The following MYLIP variants were observed in gnomAD, a reference collection of about 807,000 sequenced individuals.
MYLIP encodes myosin regulatory light chain interacting protein, also known as E3 ubiquitin-protein ligase MYLIP.
A neutral mutation model predicts 45.8 loss-of-function variants in MYLIP; 26 were observed. The observed-to-expected ratio is 0.57, with a 90% confidence interval of 0.42 to 0.79. MYLIP has a LOEUF of 0.79. Among genes scored for constraint, MYLIP ranks in the 30% least tolerant of loss-of-function variants. The pLI, the probability that MYLIP is intolerant of heterozygous loss-of-function variation, is 0.00. For synonymous variants in MYLIP, 213 were observed against 218.1 expected (o/e 0.98, Z 0.21); for missense variants, 494 against 555.6 (o/e 0.89, Z 1.11).
intron 2 of MYLIP, among the ~76,000 whole-genome samples, chr6:16,136,545 C>CT (rs1032055218): frequency 1.3e-5 from 2 of 151,958 alleles, no homozygotes; most frequent in African/African-American, 2.4e-5. Flanking sequence ...TAGTATGTAC[C>CT]TTTTTTTTGT....
intron 2 of MYLIP, 154 bp from the exon 3 acceptor site, chr6:16,141,471 C>A: frequency 1.5e-6 from 1 of 661,866 alleles, no homozygotes; most frequent in Non-Finnish European, 2.4e-6. Context: ...TGCCTTAATA[C>A]TGATGATTTT....
At chr6:16,151,887 C>G (rs57135803), downstream of MYLIP, among the ~76,000 whole-genome samples, 1 of 152,138 alleles carries the variant, frequency 6.6e-6, no homozygotes, top group African/African-American at 2.4e-5. Flanking sequence ...GCTCTTTTTT[C>G]TATCAAGGAG....
rs927349053 is a variant in MYLIP, at chr6:16,145,317, G to A, written c.1248G>A (p.Gln416=). 8.2e-6 allele frequency: 13 copies of A among 1,576,072 alleles called. No individual in the cohort carries two copies. The highest frequency in any genetic ancestry group is 1.1e-5 in the Non-Finnish European group (13 of 1,156,846). Residue 416 remains glutamine (Q), a splice_region_variant and synonymous_variant, in exon 6 of 7, where the codon CAG becomes CAA. Coordinates refer to ENST00000356840, the MANE Select transcript of MYLIP (RefSeq NM_013262.4). ...VCCESCAAQL[Q]SCPVCRSRVE... ...GTGAGAGCTGCGCCGCCCAGCTACA[G>A]GTAGGGGAGTCAGCTGCCCACTTTT...
At chr6:16,152,139 G>A (rs1282533675), downstream of MYLIP, among the ~76,000 whole-genome samples, 1 of 152,186 alleles carries the variant, frequency 6.6e-6, no homozygotes, top group East Asian at 1.9e-4. Flanking sequence ...CAGACGAGGA[G>A]CAAAGGGTAC....
chr6:16,138,560 A>G (rs921646881), intron 2 of MYLIP, among the ~76,000 whole-genome samples: 1 of 152,134 alleles, frequency 6.6e-6, no homozygotes, highest in Admixed American at 6.5e-5. Flanking sequence ...GAGAGCATAA[A>G]CTTGTCACCC....
intron 2 of MYLIP, among the ~76,000 whole-genome samples, chr6:16,132,403 C>T (rs1234756957): frequency 1.3e-5 from 2 of 152,078 alleles, no homozygotes; most frequent in East Asian, 1.9e-4. Context: ...TTGGTCTCTC[C>T]TTTATTGATT....
chr6:16,144,837 C>T, intron 5 of MYLIP, 60 bp from the exon 6 acceptor site: 8 of 1,524,180 alleles, frequency 5.2e-6, no homozygotes, highest in African/African-American at 1.4e-5. Context: ...TTGACAACAG[C>T]GAATAAGGGT....
intron 2 of MYLIP, among the ~76,000 whole-genome samples, chr6:16,141,058 C>T (rs192952732): frequency 7.1e-4 from 108 of 152,160 alleles, no homozygotes; most frequent in Admixed American, 2.6e-3. Context: ...GGTCTCCATT[C>T]GGAGAAAAAG....
Position 16,129,531 on chromosome 6 carries a change from G to T in MYLIP, c.87+122G>T, listed in dbSNP as rs182207557. On this transcript the variant is annotated intron_variant, in intron 1 of 6. Coordinates refer to ENST00000356840, the MANE Select transcript of MYLIP (RefSeq NM_013262.4). This position sits in a 1 kb window ranked among gnomAD's most constrained non-coding sequence, Gnocchi z 5.1. ...CCGGGAGGCACTGCGGCGGCAGCCGGGGGGAGCGCGTCCCCTCCTCTCCAC... is the reference window on the plus strand; with the variant it reads ...CCGGGAGGCACTGCGGCGGCAGCCGTGGGGAGCGCGTCCCCTCCTCTCCAC... 1.7e-3 allele frequency: 1,622 copies of T among 931,512 alleles called. 27 individuals carry two copies. In the African/African-American group the frequency reaches 0.023, roughly 13 times the overall value. 57.7% of individuals were successfully genotyped at this position (931,512 alleles called of 1,614,324 possible). A position where few individuals can be genotyped will look rare whatever the true frequency, so the allele number is the denominator to read the frequency against.
Position 16,130,543 on chromosome 6 carries a change from C to A in MYLIP, c.88-14C>A. ...ACCATTTGCTCATCCAGGCTGCATT[C>A]CTTTTTGTTTTAGGTGTGCAGGCGA... On this transcript the variant is annotated splice_polypyrimidine_tract_variant and intron_variant, in intron 1 of 6. Coordinates refer to ENST00000356840, the MANE Select transcript of MYLIP (RefSeq NM_013262.4). The A allele has an allele frequency of 1.2e-6, 2 of 1,612,508 alleles. No homozygotes were observed. The highest frequency in any genetic ancestry group is 1.7e-6 in the Non-Finnish European group (2 of 1,179,058).
intron 6 of MYLIP, among the ~76,000 whole-genome samples, chr6:16,146,098 T>G (rs1337592999): frequency 6.6e-6 from 1 of 152,208 alleles, no homozygotes; most frequent in Non-Finnish European, 1.5e-5. Context: ...TAGGCTTGTC[T>G]TTTTCTGCCC....
At position 16,138,210 on chromosome 6, in the gene MYLIP, G is replaced by A. The variant is rs181912298; in HGVS notation, c.279-3415G>A. On this transcript the variant is annotated intron_variant, in intron 2 of 6. Coordinates refer to ENST00000356840, the MANE Select transcript of MYLIP (RefSeq NM_013262.4). The stretch of plus-strand genomic sequence containing the variant: ...TCTAGGATGTAGCCTCTATTGAATT[G>A]AATATGTCATCTACTTTTGATCTTT... Among the ~76,000 whole-genome samples the A allele has an allele frequency of 9.1e-4, 138 of 152,122 alleles. 1 individual carries two copies. The highest frequency in any genetic ancestry group is 5.9e-5 in the Non-Finnish European group (4 of 68,012).
the MYLIP span, among the ~76,000 whole-genome samples, chr6:16,158,075 A>G: frequency 6.6e-6 from 1 of 152,234 alleles, no homozygotes; most frequent in Non-Finnish European, 1.5e-5. Context: ...TGTGCTCTGG[A>G]GGAAGCTGCT....
intron 5 of MYLIP, among the ~76,000 whole-genome samples, 193 bp downstream of exon 5, chr6:16,144,056 C>G (rs533248503): frequency 1.1e-3 from 173 of 152,184 alleles, no homozygotes; most frequent in African/African-American, 3.0e-3. Flanking sequence ...ACAGAAGGTG[C>G]ATGTGTGTGA....
rs750024552 is a variant in MYLIP, at chr6:16,144,883, A to G, written c.828-14A>G. The G allele has an allele frequency of 5.0e-6, 8 of 1,601,652 alleles. No individual in the cohort carries two copies. The highest frequency in any genetic ancestry group is 2.2e-5 in the East Asian group (1 of 44,726). ...TCTTTGGTGTTAAAGTAGATGTTCA[A>G]TCTTGCCTTGCAGGTGTGACACAGT... On this transcript the variant is annotated splice_polypyrimidine_tract_variant and intron_variant, in intron 5 of 6. Coordinates refer to ENST00000356840, the MANE Select transcript of MYLIP (RefSeq NM_013262.4).
At chr6:16,161,114 C>T in the MYLIP span, 1 of 157,594 alleles carries the variant, frequency 6.3e-6, no homozygotes, top group Non-Finnish European at 1.4e-5. Context: ...CTCTGTGGCT[C>T]TATCACCCTC....
intron 2 of MYLIP, among the ~76,000 whole-genome samples, chr6:16,132,022 G>A (rs112741245): frequency 0.037 from 5,703 of 152,214 alleles, 350 homozygotes; most frequent in African/African-American, 0.12. Flanking sequence ...TGAAAGCTTT[G>A]CGCTTCACTG....
At chr6:16,142,423 G>A (rs1395057415) in intron 3 of MYLIP, among the ~76,000 whole-genome samples, 1 of 152,170 alleles carries the variant, frequency 6.6e-6, no homozygotes, top group Admixed American at 6.5e-5. Flanking sequence ...TCTAACATAG[G>A]CATTTTAGTT....
chr6:16,157,544 T>C, the MYLIP span, among the ~76,000 whole-genome samples: 1 of 152,384 alleles, frequency 6.6e-6, no homozygotes, highest in African/African-American at 2.4e-5. Context: ...AAAGGCTCAA[T>C]AGATGAATGA....
Sources: allele counts gnomAD v4.1 joint callset (sites outside exome capture counted in the v4.1 genomes callset), GRCh38; gene constraint gnomAD v4.1.1; non-coding constraint Gnocchi (gnomAD v3.1); transcripts MANE v1.5; gene names NCBI Gene and HGNC (gene_info 2026-07-23, HGNC 2026-07-21).